The following SLC6A16 variants were observed in gnomAD, a reference collection of about 807,000 sequenced individuals.
SLC6A16 encodes orphan sodium- and chloride-dependent neurotransmitter transporter NTT5.
SLC6A16 carries 54 observed loss-of-function variants against 65.4 expected under a neutral mutation model. The observed-to-expected ratio is 0.83, with a 90% CI of 0.66 to 1.04. The LOEUF (loss-of-function observed/expected upper bound fraction) is 1.04, where lower values mean the gene tolerates loss of function less well. Ranked by LOEUF, SLC6A16 falls within the 50% of genes least tolerant of loss-of-function variation. The pLI, the probability that SLC6A16 is intolerant of heterozygous loss-of-function variation, is 0.00. For missense variants in SLC6A16, 816 were observed against 914.0 expected (o/e 0.89, Z 1.38); for synonymous variants, 330 against 346.5 (o/e 0.95, Z 0.53).
chr19:49,333,649 G>A, the SLC6A16 span, among the ~76,000 whole-genome samples: 2 of 152,156 alleles, frequency 1.3e-5, no homozygotes, highest in Non-Finnish European at 2.9e-5. Context: ...CCAGGTAGGA[G>A]AGCAGGAGCC....
rs145401466 is a variant in SLC6A16 at position 49,303,461 on chromosome 19, G to C, written c.1229+5415C>G. ...CAGGAGTTCAAGACCAGCCTGGCCA[G>C]TATAGGGTTTAGTAGAAACCCTGTC... On this transcript the variant is annotated intron_variant, in intron 7 of 11. Transcript: ENST00000335875. Among the ~76,000 whole-genome samples the C allele has an allele frequency of 5.3e-4, 81 of 152,214 alleles. 1 individual carries two copies. The East Asian group carries it at 0.013, about 24-fold the overall frequency.
chr19:49,300,928 T>C (rs972301121), intron 7 of SLC6A16, among the ~76,000 whole-genome samples: 1 of 152,066 alleles, frequency 6.6e-6, no homozygotes, highest in Non-Finnish European at 1.5e-5. Context: ...GGCACGTTCC[T>C]GTAATCCCAT....
upstream of SLC6A16, among the ~76,000 whole-genome samples, chr19:49,330,057 G>A (rs745310704): frequency 6.6e-6 from 1 of 151,602 alleles, no homozygotes; most frequent in African/African-American, 2.4e-5. Flanking sequence ...GATTGAGGCT[G>A]CAATGAGTCA....
intron 10 of SLC6A16, 32 bp downstream of exon 10, chr19:49,293,191 T>C (rs1970110822): frequency 6.2e-7 from 1 of 1,611,952 alleles, no homozygotes; most frequent in Non-Finnish European, 8.5e-7. Context: ...TATAGTCCCA[T>C]GCTTTGTGAG....
At chr19:49,329,672 G>A (rs528495634), upstream of SLC6A16, among the ~76,000 whole-genome samples, 3 of 124,830 alleles carry the variant, frequency 2.4e-5, no homozygotes, top group Admixed American at 2.0e-4. Context: ...TCGCTCTGTC[G>A]CCCAGGCTGG....
chr19:49,318,984 A>T (rs752206781), intron 1 of SLC6A16, among the ~76,000 whole-genome samples: 2 of 148,102 alleles, frequency 1.4e-5, no homozygotes, highest in African/African-American at 2.5e-5. Context: ...AAGTGCTGGG[A>T]TTACAGGCAT....
intron 1 of SLC6A16, among the ~76,000 whole-genome samples, chr19:49,317,636 C>T (rs1354682062): frequency 6.6e-6 from 1 of 151,882 alleles, no homozygotes; most frequent in Non-Finnish European, 1.5e-5. Context: ...GAAACCCCAT[C>T]TCTACTAAAA....
intron 1 of SLC6A16, among the ~76,000 whole-genome samples, chr19:49,314,612 C>G (rs1213973946): frequency 1.3e-5 from 2 of 151,936 alleles, no homozygotes; most frequent in African/African-American, 4.8e-5. Context: ...ACAAGATATT[C>G]CCCCCAAAAA....
the SLC6A16 span, chr19:49,338,186 A>G: frequency 6.9e-7 from 1 of 1,439,236 alleles, no homozygotes; most frequent in African/African-American, 1.4e-5. This position sits in a 1 kb window ranked among gnomAD's most constrained non-coding sequence, Gnocchi z 5.0. Flanking sequence ...CAGATGACAC[A>G]ACTGTCCCCG....
Position 49,303,639 on chromosome 19 carries a change from T to A in SLC6A16, c.1229+5237A>T, listed in dbSNP as rs1021906071. Among the ~76,000 whole-genome samples, 73 of 143,404 alleles carry A rather than the reference T, an allele frequency of 5.1e-4. 1 individual carries two copies. Among genetic ancestry groups the A allele is most frequent in the Admixed American group, 2.4e-3 (33 of 13,782 alleles). The allele number at this position is 143,404 out of a possible 152,430, so 94.1% of individuals were successfully genotyped here. A position where few individuals can be genotyped will look rare whatever the true frequency, so the allele number is the denominator to read the frequency against. The stretch of plus-strand genomic sequence containing the variant: ...CACTGCACTCCAGCCTGAGTGACAG[T>A]GTGAGACTGTCTCAAAAAAAAAAAA... On this transcript the variant is annotated intron_variant, in intron 7 of 11. Transcript: ENST00000335875.
intron 1 of SLC6A16, among the ~76,000 whole-genome samples, chr19:49,315,865 G>A (rs1447565758): frequency 6.6e-6 from 1 of 151,816 alleles, no homozygotes; most frequent in East Asian, 1.9e-4. Context: ...ATAATGAAGT[G>A]AAGAAAGCTT....
At chr19:49,338,405 C>T in the SLC6A16 span, among the ~76,000 whole-genome samples, 2 of 151,976 alleles carry the variant, frequency 1.3e-5, no homozygotes, top group African/African-American at 4.8e-5. This position sits in a 1 kb window ranked among gnomAD's most constrained non-coding sequence, Gnocchi z 5.0. Context: ...TCCTATTCAC[C>T]TGTCGGGTAT....
At chr19:49,298,870 C>T (rs916369231) in intron 7 of SLC6A16, among the ~76,000 whole-genome samples, 2 of 152,158 alleles carry the variant, frequency 1.3e-5, no homozygotes, top group Non-Finnish European at 2.9e-5. Flanking sequence ...GAATACTATA[C>T]TGCCATGAAA....
chr19:49,321,254 A>G (rs1458039617), intron 1 of SLC6A16, among the ~76,000 whole-genome samples: 1 of 152,180 alleles, frequency 6.6e-6, no homozygotes, highest in East Asian at 1.9e-4. Flanking sequence ...AAAATGAAAG[A>G]AAAATAATGA....
upstream of SLC6A16, among the ~76,000 whole-genome samples, chr19:49,325,423 C>T (rs1259505502): frequency 6.6e-6 from 1 of 152,234 alleles, no homozygotes; most frequent in Non-Finnish European, 1.5e-5. Context: ...GGCTCTAAGA[C>T]AAGGCCTTTC....
intron 7 of SLC6A16, among the ~76,000 whole-genome samples, chr19:49,296,081 C>T (rs1443776369): frequency 6.6e-6 from 1 of 152,132 alleles, no homozygotes; most frequent in East Asian, 1.9e-4. Context: ...CCTCCGCCTC[C>T]CAGGTTCGAG....
the SLC6A16 span, chr19:49,336,767 G>GAC: frequency 1.3e-6 from 1 of 762,044 alleles, no homozygotes; most frequent in Non-Finnish European, 2.1e-6. Flanking sequence ...AGGAAACAGG[G>GAC]ACTCAGGGTG....
chr19:49,325,134 A>G lies in SLC6A16; in HGVS notation c.-151T>C, dbSNP rs1275306809. 1.0e-6 allele frequency: 1 copy of G among 985,448 alleles called. No individual in the cohort carries two copies. The highest frequency in any genetic ancestry group is 1.2e-6 in the Non-Finnish European group (1 of 830,032). 61.0% of individuals were successfully genotyped at this position (985,448 alleles called of 1,614,324 possible). A position where few individuals can be genotyped will look rare whatever the true frequency, so the allele number is the denominator to read the frequency against. ...AGAAGCCCCAGCTGAGAAGCCTAGC[A>G]ATCTCCTCAGGCCCCTTCAGGCGTC... On this transcript the variant is annotated 5_prime_UTR_variant, in exon 1 of 12. Transcript: ENST00000335875.
intron 1 of SLC6A16, among the ~76,000 whole-genome samples, chr19:49,314,610 T>C (rs1402136553): frequency 6.6e-6 from 1 of 152,064 alleles, no homozygotes; most frequent in Non-Finnish European, 1.5e-5. Flanking sequence ...CCACAAGATA[T>C]TCCCCCCAAA....
Sources: gnomAD v4.1 joint callset for allele counts (sites outside exome capture counted in the v4.1 genomes callset) on GRCh38, gnomAD v4.1.1 for gene constraint, Gnocchi (gnomAD v3.1) non-coding constraint, MANE v1.5 for transcripts, NCBI Gene and HGNC (gene_info 2026-07-23, HGNC 2026-07-21) for gene names.